Variants in TSHR observed in about 807,000 individuals in gnomAD.
TSHR encodes the protein thyrotropin receptor.
Under a neutral mutation model 64.1 loss-of-function variants are expected in TSHR, and 51 were observed. That is an observed-to-expected ratio of 0.80 (90% confidence interval 0.64 to 1.01). The LOEUF is 1.01. Among genes scored for constraint, TSHR ranks in the 50% least tolerant of loss-of-function variants. The pLI is 0.00. For missense variants in TSHR, 877 were observed against 942.8 expected, an observed-to-expected ratio of 0.93 and a Z score of 0.91; for synonymous variants, 361 against 361.9, an observed-to-expected ratio of 1.00 and a Z score of 0.03.
intron 1 of TSHR, among the ~76,000 whole-genome samples, chr14:80,962,973 A>G (rs1291465254): frequency 6.6e-6 from 1 of 152,200 alleles, no homozygotes; most frequent in East Asian, 1.9e-4. Flanking sequence ...AAATTATAGA[A>G]AAGTTACCAC....
At position 81,074,901 on chromosome 14, in the gene TSHR, T is replaced by C. The variant is rs573220801; in HGVS notation, c.317+6573T>C. ...ATCCCTGCCAGTACCTGTCCAGTCT[T>C]ACAGAGCTCTATATACATTCTCTGA... On this transcript the variant is annotated intron_variant, in intron 3 of 9. Coordinates refer to ENST00000298171, the MANE Select transcript of TSHR (RefSeq NM_000369.5). Among the ~76,000 whole-genome samples the C allele has an allele frequency of 1.3e-3, 205 of 152,336 alleles. 1 individual carries two copies. The highest frequency in any genetic ancestry group is 4.6e-3 in the African/African-American group (192 of 41,576).
At chr14:81,126,711 C>A (rs560390095) in intron 8 of TSHR, among the ~76,000 whole-genome samples, 4 of 152,160 alleles carry the variant, frequency 2.6e-5, no homozygotes, top group Non-Finnish European at 4.4e-5. Context: ...GCCAGGAGCT[C>A]GTAACAGTAA....
chr14:81,053,016 G>T (rs1179540803), intron 1 of TSHR: 1 of 152,066 alleles, frequency 6.6e-6, no homozygotes, highest in East Asian at 1.9e-4. Flanking sequence ...AGGCTAAGAG[G>T]CTCAAGAGAA....
Position 81,015,121 on chromosome 14 carries a change from T to A in TSHR, c.171-47027T>A, listed in dbSNP as rs186750336. On this transcript the variant is annotated intron_variant, in intron 1 of 9. Transcript: ENST00000298171. ...AAACCTCACTAAGCCACATGTTATT[T>A]TTTGAAGCATAGAAATTGGACTTTG... Among the ~76,000 whole-genome samples the A allele has an allele frequency of 6.6e-5, 10 of 152,284 alleles. No homozygotes were observed. The East Asian group carries it at 1.7e-3, about 26-fold the overall frequency.
In TSHR at chr14:81,091,100, C is replaced by T; in HGVS notation, c.424C>T (p.Pro142Ser). Reference protein sequence around the residue: ...GIFNTGLKMFPDLTKVYSTDI... With the variant: ...GIFNTGLKMFSDLTKVYSTDI... ...TTTCAACACTGGACTTAAAATGTTCCCTGACCTGACCAAAGTTTATTCCAC... is the reference window on the plus strand; with the variant it reads ...TTTCAACACTGGACTTAAAATGTTCTCTGACCTGACCAAAGTTTATTCCAC... Residue 142 changes from proline (P) to serine (S), a missense_variant, in exon 5 of 10, where the codon CCT becomes TCT. By Grantham distance (74) the Pro-to-Ser change is moderately conservative (BLOSUM62 -1). Transcript: ENST00000298171. The T allele has an allele frequency of 6.2e-7, 1 of 1,612,208 alleles. No homozygotes were observed. The highest frequency in any genetic ancestry group is 8.5e-7 in the Non-Finnish European group (1 of 1,179,904).
rs1020512197 is a variant in TSHR at position 81,145,118 on chromosome 14, A to G, written c.*765A>G. 1 of 233,080 alleles carries G rather than the reference A, an allele frequency of 4.3e-6. No individual in the cohort carries two copies. Among genetic ancestry groups the G allele is most frequent in the Non-Finnish European group, 8.5e-6 (1 of 118,024 alleles). The allele number at this position is 233,080 out of a possible 1,614,324, so 14.4% of individuals were successfully genotyped here. A position where few individuals can be genotyped will look rare whatever the true frequency, so the allele number is the denominator to read the frequency against. ...ATGTGAACTCTAGGAAGTCTTTCTG[A>G]GTAGCAATAAGTGGGAATTATGGGC... On this transcript the variant is annotated 3_prime_UTR_variant, in exon 10 of 10. Transcript: ENST00000298171.
chr14:81,104,243 A>C (rs1889754514), intron 7 of TSHR: 1 of 985,276 alleles, frequency 1.0e-6, no homozygotes, highest in African/African-American at 1.7e-5. Flanking sequence ...AACTAACATG[A>C]GAGGTAGGCA....
intron 8 of TSHR, among the ~76,000 whole-genome samples, chr14:81,115,831 C>G (rs1266339733): frequency 3.3e-5 from 5 of 152,080 alleles, no homozygotes; most frequent in African/African-American, 4.8e-5. Context: ...CAGTGGATCT[C>G]TCGGCAGAAA....
chr14:81,121,802 C>T (rs1273141521), intron 8 of TSHR, among the ~76,000 whole-genome samples: 1 of 151,460 alleles, frequency 6.6e-6, no homozygotes, highest in Non-Finnish European at 1.5e-5. Context: ...ATTAGCCAGG[C>T]ATGTTGGTGC....
At chr14:81,139,551 G>A (rs1595172292) in intron 8 of TSHR, 128 bp from the exon 9 acceptor site, 1 of 953,560 alleles carries the variant, frequency 1.0e-6, no homozygotes, top group East Asian at 2.6e-5. Flanking sequence ...CTCAGCTTAT[G>A]TACTCAGTAG....
chr14:80,995,534 G>A (rs1365783669), intron 1 of TSHR: 2 of 152,140 alleles, frequency 1.3e-5, no homozygotes, highest in Non-Finnish European at 1.5e-5. Flanking sequence ...GCAGGGACAT[G>A]GATGGAGCTG....
chr14:81,143,547 G>T lies in TSHR; in HGVS notation c.1489G>T (p.Ala497Ser). Reference protein sequence around the residue: ...DWQTGPGCNTAGFFTVFASEL... With the variant: ...DWQTGPGCNTSGFFTVFASEL... ...GCAGACAGGCCCTGGGTGCAACACG[G>T]CTGGTTTCTTCACTGTCTTTGCAAG... The change falls in exon 10 of 10, where the codon GCT becomes TCT. Residue 497 changes from alanine to serine, a missense_variant. Transcript: ENST00000298171. 1 of 1,613,198 alleles carries T rather than the reference G, an allele frequency of 6.2e-7. No homozygotes were observed. The highest frequency in any genetic ancestry group is 8.5e-7 in the Non-Finnish European group (1 of 1,180,020).
intron 1 of TSHR, among the ~76,000 whole-genome samples, chr14:81,008,207 C>T (rs1395537641): frequency 1.4e-5 from 2 of 146,346 alleles, no homozygotes; most frequent in East Asian, 4.0e-4. Flanking sequence ...GAGTCTCGCT[C>T]TGTCACCCAG....
At position 81,080,949 on chromosome 14, in the gene TSHR, C is replaced by T. The variant is rs558167009; in HGVS notation, c.318-7005C>T. ...AGTTAATGTAAAAAGCCATTTGTTT[C>T]GGAGTTAATTATTTATATTAGAGAG... is the stretch of plus-strand genomic sequence containing the variant. On this transcript the variant is annotated intron_variant, in intron 3 of 9. Coordinates refer to ENST00000298171, the MANE Select transcript of TSHR (RefSeq NM_000369.5). Among the ~76,000 whole-genome samples the T allele has an allele frequency of 9.9e-5, 15 of 152,216 alleles. No individual in the cohort carries two copies. The East Asian group carries it at 1.2e-3, about 12-fold the overall frequency.
intron 1 of TSHR, among the ~76,000 whole-genome samples, chr14:81,038,367 C>G (rs1423239061): frequency 6.7e-6 from 1 of 149,574 alleles, no homozygotes; most frequent in East Asian, 2.0e-4. Context: ...GCAATAAACA[C>G]CTACATCAAA....
intron 8 of TSHR, among the ~76,000 whole-genome samples, chr14:81,129,600 T>C (rs1170892996): frequency 6.6e-6 from 1 of 152,222 alleles, no homozygotes; most frequent in Non-Finnish European, 1.5e-5. Context: ...TGGATGACCA[T>C]GTCCTATGGC....
At chr14:81,022,677 C>T (rs541273888) in intron 1 of TSHR, among the ~76,000 whole-genome samples, 1 of 151,878 alleles carries the variant, frequency 6.6e-6, no homozygotes, top group Non-Finnish European at 1.5e-5. Context: ...AAAAATTAGC[C>T]GGGCATGGTG....
rs141678559 is a variant in TSHR at position 81,021,194 on chromosome 14, A to G, written c.171-40954A>G. On this transcript the variant is annotated intron_variant, in intron 1 of 9. Coordinates refer to ENST00000298171, the MANE Select transcript of TSHR (RefSeq NM_000369.5). ...CCAGTCTATGGAAAAATTGTCTTCC[A>G]TGAAACTGGTCCCTGGTACCAAAAA... Among the ~76,000 whole-genome samples the G allele has an allele frequency of 2.0e-4, 31 of 152,284 alleles. 1 individual carries two copies. The highest frequency in any genetic ancestry group is 7.0e-4 in the African/African-American group (29 of 41,544).
chr14:81,069,450 T>C (rs189890957), intron 3 of TSHR, among the ~76,000 whole-genome samples: 1 of 152,208 alleles, frequency 6.6e-6, no homozygotes, highest in African/African-American at 2.4e-5. Flanking sequence ...TTTAAAAAAA[T>C]GTTTGAAAGT....
Sources: allele counts gnomAD v4.1 joint callset (sites outside exome capture counted in the v4.1 genomes callset), GRCh38; gene constraint gnomAD v4.1.1; transcripts MANE v1.5; gene names NCBI Gene and HGNC (gene_info 2026-07-23, HGNC 2026-07-21).